The following RBPJ variants were observed in gnomAD, a reference collection of about 807,000 sequenced individuals.
RBPJ encodes the protein recombination signal binding protein for immunoglobulin kappa J region.
A neutral mutation model predicts 67.8 loss-of-function variants in RBPJ; 9 were observed. That is an observed-to-expected ratio of 0.13 (90% CI 0.08 to 0.23). The LOEUF is 0.23. Ranked by LOEUF, RBPJ falls within the 10% of genes least tolerant of loss-of-function variation. The probability of loss-of-function intolerance (pLI) is 1.00; values close to 1 mark genes in which losing one functional copy is unlikely to be tolerated. For synonymous variants in RBPJ, 198 were observed against 203.3 expected, an observed-to-expected ratio of 0.97 and a Z score of 0.22; for missense variants, 305 against 595.6, an observed-to-expected ratio of 0.51 and a Z score of 5.08.
At chr4:26,387,071 A>T (rs1730989876) in intron 2 of RBPJ, among the ~76,000 whole-genome samples, 1 of 152,046 alleles carries the variant, frequency 6.6e-6, no homozygotes, top group African/African-American at 2.4e-5. Flanking sequence ...ACACTCTATC[A>T]TTGTTCTACA....
chr4:26,170,344 C>A (rs1716524706), intron 1 of RBPJ, among the ~76,000 whole-genome samples: 1 of 152,020 alleles, frequency 6.6e-6, no homozygotes, highest in Non-Finnish European at 1.5e-5. Flanking sequence ...AATTTGATAC[C>A]AGCCTGCGCA....
chr4:26,318,691 A>G (rs1305122385), upstream of RBPJ, among the ~76,000 whole-genome samples: 2 of 152,108 alleles, frequency 1.3e-5, no homozygotes, highest in African/African-American at 4.8e-5. Context: ...GCCAGCGGGT[A>G]GATTAGAAAG....
intron 1 of RBPJ, among the ~76,000 whole-genome samples, chr4:26,355,111 T>C (rs1393934067): frequency 6.6e-6 from 1 of 152,194 alleles, no homozygotes; most frequent in Non-Finnish European, 1.5e-5. Context: ...GGTGAGATCA[T>C]GGCTCACAGC....
chr4:26,112,902 G>A, the RBPJ span, among the ~76,000 whole-genome samples: 127 of 151,864 alleles, frequency 8.4e-4, no homozygotes, highest in African/African-American at 3.0e-3. Flanking sequence ...GAGACTACAG[G>A]TCTCACACCC....
chr4:26,124,415 C>CATATATAT, the RBPJ span, among the ~76,000 whole-genome samples: 382 of 62,374 alleles, frequency 6.1e-3, 9 homozygotes, highest in South Asian at 0.01. Context: ...AGTATTCCAT[C>CATATATAT]ATATATATAT....
chr4:26,310,497 A>G (rs1722392076), intron 1 of RBPJ, among the ~76,000 whole-genome samples: 1 of 152,214 alleles, frequency 6.6e-6, no homozygotes, highest in Admixed American at 6.5e-5. Context: ...TTGTATTCTC[A>G]GAAGCTCCTA....
chr4:26,240,689 C>G (rs1321996558), intron 1 of RBPJ, among the ~76,000 whole-genome samples: 1 of 152,150 alleles, frequency 6.6e-6, no homozygotes, highest in African/African-American at 2.4e-5. Context: ...ATACTGCATT[C>G]CAGGTTTAAT....
chr4:26,331,946 A>G (rs1724309202), intron 1 of RBPJ, among the ~76,000 whole-genome samples: 2 of 152,226 alleles, frequency 1.3e-5, no homozygotes, highest in African/African-American at 4.8e-5. Flanking sequence ...CTGAAAGATG[A>G]TCTGGTTTAT....
intron 1 of RBPJ, among the ~76,000 whole-genome samples, chr4:26,190,528 A>T (rs1263882132): frequency 1.3e-5 from 2 of 152,190 alleles, no homozygotes; most frequent in African/African-American, 4.8e-5. Flanking sequence ...CCCTTTATAC[A>T]GTGAGAGAAA....
intron 1 of RBPJ, among the ~76,000 whole-genome samples, chr4:26,300,965 T>C (rs1722055337): frequency 2.0e-5 from 3 of 152,252 alleles, no homozygotes; most frequent in South Asian, 2.1e-4. Flanking sequence ...ACTGACACAC[T>C]GTTCATCTGA....
At chr4:26,242,052 G>T (rs1719654839) in intron 1 of RBPJ, among the ~76,000 whole-genome samples, 1 of 152,088 alleles carries the variant, frequency 6.6e-6, no homozygotes, top group Non-Finnish European at 1.5e-5. Context: ...CTCCTTTCTT[G>T]TCCAGCCTTT....
chr4:26,214,877 G>A (rs1718604114), intron 1 of RBPJ, among the ~76,000 whole-genome samples: 1 of 60,484 alleles, frequency 1.7e-5, no homozygotes, highest in Non-Finnish European at 3.2e-5. Flanking sequence ...AAATGAAAAA[G>A]AAAAAGAGAG....
the RBPJ span, among the ~76,000 whole-genome samples, chr4:26,119,552 G>A: frequency 2.6e-5 from 4 of 151,864 alleles, no homozygotes; most frequent in East Asian, 1.9e-4. Flanking sequence ...TTCTTTACAC[G>A]GTTCTCTCCA....
upstream of RBPJ, chr4:26,319,931 C>A (rs754858598): frequency 6.4e-7 from 1 of 1,558,388 alleles, no homozygotes; most frequent in East Asian, 2.3e-5. Flanking sequence ...CCCTGCTGTT[C>A]CATGCCCGGT....
At chr4:26,319,797 C>G, upstream of RBPJ, 1 of 1,377,092 alleles carries the variant, frequency 7.3e-7, no homozygotes, top group Non-Finnish European at 1.0e-6. Flanking sequence ...TCCAGTTCTC[C>G]GGGTTTTGGG....
intron 1 of RBPJ, among the ~76,000 whole-genome samples, chr4:26,181,489 T>C (rs1479453954): frequency 6.6e-6 from 1 of 152,210 alleles, no homozygotes; most frequent in African/African-American, 2.4e-5. Flanking sequence ...TTCCCTTCCC[T>C]TCAGTCTCTC....
chr4:26,424,785 A>T lies in RBPJ; in HGVS notation c.747+42A>T. ...GCTTTAGTGATAATGTGAAGTAAAAATTAATTTCTTAAACAGGAAAATCAC... is the reference window on the plus strand; with the variant it reads ...GCTTTAGTGATAATGTGAAGTAAAATTTAATTTCTTAAACAGGAAAATCAC... On this transcript the variant is annotated intron_variant, in intron 7 of 10. Coordinates refer to ENST00000355476, the MANE Select transcript of RBPJ (RefSeq NM_015874.6). The surrounding 1 kb of genome is among the most constrained non-coding windows in gnomAD (Gnocchi z 5.3). 1 of 1,168,298 alleles carries T rather than the reference A, an allele frequency of 8.6e-7. No homozygotes were observed. Among genetic ancestry groups the T allele is most frequent in the Admixed American group, 2.0e-5 (1 of 49,306 alleles). The allele number at this position is 1,168,298 out of a possible 1,614,324, so 72.4% of individuals were successfully genotyped here.
At chr4:26,320,970 A>T (rs1289855578), upstream of RBPJ, 4 of 1,595,262 alleles carry the variant, frequency 2.5e-6, no homozygotes, top group South Asian at 1.1e-5. Context: ...GAGAGGGACC[A>T]GGGAAGGCGT....
At chr4:26,127,987 T>A in the RBPJ span, among the ~76,000 whole-genome samples, 4 of 152,166 alleles carry the variant, frequency 2.6e-5, no homozygotes, top group African/African-American at 9.7e-5. Context: ...CTGGGCCAAG[T>A]TATGCCCCAC....
Sources: allele counts gnomAD v4.1 joint callset (sites outside exome capture counted in the v4.1 genomes callset), GRCh38; gene constraint gnomAD v4.1.1; non-coding constraint Gnocchi (gnomAD v3.1); transcripts MANE v1.5; gene names NCBI Gene and HGNC (gene_info 2026-07-23, HGNC 2026-07-21).